ZNF789: variants seen among roughly 807,000 people sequenced by gnomAD.
ZNF789 encodes zinc finger protein 789.
ZNF789 carries 11 observed loss-of-function variants against 15.6 expected under a neutral mutation model. The observed-to-expected ratio is 0.70, with a 90% CI of 0.44 to 1.16. The LOEUF is 1.16. ZNF789 is among the 50% of genes most tolerant of loss of function. The pLI is 0.00. For missense variants in ZNF789, 461 were observed against 512.6 expected (o/e 0.90, Z 0.97); for synonymous variants, 159 against 176.0 (o/e 0.90, Z 0.76).
Position 99,487,603 on chromosome 7 carries a change from G to T in ZNF789, c.*115G>T. 2 of 1,281,634 alleles carry T rather than the reference G, an allele frequency of 1.6e-6. No homozygotes were observed. Among genetic ancestry groups the T allele is most frequent in the Non-Finnish European group, 2.1e-6 (2 of 940,544 alleles). The allele number at this position is 1,281,634 out of a possible 1,614,324, so 79.4% of individuals were successfully genotyped here. A position where few individuals can be genotyped will look rare whatever the true frequency, so the allele number is the denominator to read the frequency against. The stretch of plus-strand genomic sequence containing the variant: ...AAATGTAACAAAGGGTTTTTCTATG[G>T]GAGCCATCTTTGTGTAGCCAATCTG... On this transcript the variant is annotated 3_prime_UTR_variant, in exon 5 of 5. Coordinates refer to ENST00000331410, the MANE Select transcript of ZNF789 (RefSeq NM_213603.3).
chr7:99,475,327 G>A (rs1768067769), intron 1 of ZNF789, among the ~76,000 whole-genome samples: 1 of 152,000 alleles, frequency 6.6e-6, no homozygotes, highest in Non-Finnish European at 1.5e-5. Flanking sequence ...CCCAGGAGGC[G>A]GAGGTTGCAG....
At position 99,487,586 on chromosome 7, in the gene ZNF789, CAA is replaced by C. The variant is rs1358430793; in HGVS notation, c.*100_*101del. 6.3e-6 allele frequency: 9 copies of C among 1,426,374 alleles called. No homozygotes were observed. The East Asian group carries it at 1.9e-4, about 30-fold the overall frequency. The allele number at this position is 1,426,374 out of a possible 1,614,324, so 88.4% of individuals were successfully genotyped here. ...TTTCCATGAAAAGCAATAAATGTAACAAAGGGTTTTTCTATGGGAGCCATCTT... is the reference window on the plus strand; with the variant it reads ...TTTCCATGAAAAGCAATAAATGTAACAGGGTTTTTCTATGGGAGCCATCTT... On this transcript the variant is annotated 3_prime_UTR_variant, in exon 5 of 5. Transcript: ENST00000331410.
At chr7:99,477,276 C>T (rs1189725299) in intron 2 of ZNF789, among the ~76,000 whole-genome samples, 1 of 151,876 alleles carries the variant, frequency 6.6e-6, no homozygotes, top group African/African-American at 2.4e-5. Context: ...CTCTTGACCT[C>T]GTGATCCACC....
Position 99,487,189 on chromosome 7 carries a change from A to G in ZNF789, c.979A>G (p.Thr327Ala), listed in dbSNP as rs143052446. Residue 327 changes from threonine (T) to alanine (A), a missense_variant, in exon 5 of 5, where the codon ACC becomes GCC. Coordinates refer to ENST00000331410, the MANE Select transcript of ZNF789 (RefSeq NM_213603.3). Reference protein sequence around the residue: ...ECGKAFGRHSTLLCHQQIHSK... With the variant: ...ECGKAFGRHSALLCHQQIHSK... ...TGGAAAAGCCTTTGGCCGGCATTCA[A>G]CCCTTCTATGTCATCAACAGATTCA... 28 of 1,614,044 alleles carry G rather than the reference A, an allele frequency of 1.7e-5. 1 individual carries two copies. The highest frequency in any genetic ancestry group is 2.2e-5 in the East Asian group (1 of 44,900).
At chr7:99,485,667 A>G (rs955486733) in intron 4 of ZNF789, among the ~76,000 whole-genome samples, 1 of 152,078 alleles carries the variant, frequency 6.6e-6, no homozygotes, top group Non-Finnish European at 1.5e-5. Context: ...TATCATCTCT[A>G]CTAAAAATAC....
At position 99,484,025 on chromosome 7, in the gene ZNF789, A is replaced by G. The variant is rs1480361656; in HGVS notation, c.152-5A>G. On this transcript the variant is annotated splice_region_variant and splice_polypyrimidine_tract_variant and intron_variant, in intron 3 of 4. Transcript: ENST00000331410. ...GCCACATCCCATTTACTTCCCCATG[A>G]GTAGGATTTCAGTTTCCCAAACCTG... 1.8e-5 allele frequency: 29 copies of G among 1,613,426 alleles called. No homozygotes were observed. Among genetic ancestry groups the G allele is most frequent in the Non-Finnish European group, 2.5e-5 (29 of 1,179,560 alleles).
chr7:99,473,555 T>C (rs2151044070), intron 1 of ZNF789, among the ~76,000 whole-genome samples: 1 of 152,318 alleles, frequency 6.6e-6, no homozygotes, highest in Middle Eastern at 3.4e-3. Context: ...TGGTTCAGTT[T>C]ATCATGCGGA....
In ZNF789 at chr7:99,487,525, T is replaced by C. The variant is rs1800039501; in HGVS notation, c.*37T>C. ...AAGCAGTCATTGGAGAACTAGAACT[T>C]ATAAACCTCTACTTCAAGTGTGTAT... On this transcript the variant is annotated 3_prime_UTR_variant, in exon 5 of 5. Coordinates refer to ENST00000331410, the MANE Select transcript of ZNF789 (RefSeq NM_213603.3). 3 of 1,570,660 alleles carry C rather than the reference T, an allele frequency of 1.9e-6. No homozygotes were observed. Among genetic ancestry groups the C allele is most frequent in the Non-Finnish European group, 2.6e-6 (3 of 1,158,714 alleles).
At chr7:99,484,173 A>C in intron 4 of ZNF789, 30 bp downstream of exon 4, 1 of 1,573,408 alleles carries the variant, frequency 6.4e-7, no homozygotes, top group Non-Finnish European at 8.7e-7. Flanking sequence ...AGGCGAGTGG[A>C]ATCAGGAAGA....
Position 99,486,935 on chromosome 7 carries a change from C to A in ZNF789, c.725C>A (p.Ser242Ter). Residue 242 changes from serine to a stop codon, truncating the protein, a stop_gained, in exon 5 of 5, where the codon TCA (serine) becomes TAA (stop). Coordinates refer to ENST00000331410, the MANE Select transcript of ZNF789 (RefSeq NM_213603.3). LOFTEE classifies it low-confidence loss of function (END_TRUNC). The stretch of plus-strand genomic sequence containing the variant: ...TGTGGGCAAGCCTTCAGACAGCGGT[C>A]AGCTCTTACGGTCCATAAACAGTGT... ...KVCGQAFRQR[S>*]ALTVHKQCHL... 2 of 1,614,138 alleles carry A rather than the reference C, an allele frequency of 1.2e-6. No individual in the cohort carries two copies. The highest frequency in any genetic ancestry group is 2.2e-5 in the South Asian group (2 of 91,056).
Position 99,484,120 on chromosome 7 carries a change from A to T in ZNF789, c.242A>T (p.Lys81Met), listed in dbSNP as rs774851130. ...GATCTACCGAGAACTGGGAATAGGA[A>T]GGCTTCCGGTAGTGCTTGCCCAGGT... Reference protein sequence around the residue: ...ILDLPRTGNRKASGSACPGSE... With the variant: ...ILDLPRTGNRMASGSACPGSE... Residue 81 changes from lysine (K) to methionine (M), a missense_variant, in exon 4 of 5, where the codon AAG becomes ATG. Physicochemically the swap from Lys to Met is moderately conservative, Grantham distance 95. Coordinates refer to ENST00000331410, the MANE Select transcript of ZNF789 (RefSeq NM_213603.3). The T allele has an allele frequency of 4.3e-6, 7 of 1,613,932 alleles. No individual in the cohort carries two copies. Among genetic ancestry groups the T allele is most frequent in the Non-Finnish European group, 5.9e-6 (7 of 1,179,934 alleles).
chr7:99,475,625 A>G (rs1799288988), intron 1 of ZNF789, among the ~76,000 whole-genome samples: 1 of 152,030 alleles, frequency 6.6e-6, no homozygotes, highest in Non-Finnish European at 1.5e-5. Flanking sequence ...ATCCTGTGTG[A>G]TAGGGGAGGG....
chr7:99,476,790 T>C lies in ZNF789; in HGVS notation c.24+310T>C, dbSNP rs150799919. Among the ~76,000 whole-genome samples the C allele has an allele frequency of 2.4e-3, 363 of 152,356 alleles. 1 individual carries two copies. The highest frequency in any genetic ancestry group is 4.1e-3 in the Non-Finnish European group (281 of 68,036). ...GTTTAGCACTGTGTTAAGTTGTTGCTCTTATTACCGTAGTAGTTGCCCATT... is the reference window on the plus strand; with the variant it reads ...GTTTAGCACTGTGTTAAGTTGTTGCCCTTATTACCGTAGTAGTTGCCCATT... On this transcript the variant is annotated intron_variant, in intron 2 of 4. Transcript: ENST00000331410.
intron 3 of ZNF789, 55 bp from the exon 4 acceptor site, chr7:99,483,975 G>A: frequency 1.4e-6 from 2 of 1,431,260 alleles, no homozygotes; most frequent in Non-Finnish European, 2.0e-6. Flanking sequence ...TGAGCCCCGG[G>A]CCATGTCTCT....
chr7:99,485,954 C>T (rs1029506153), intron 4 of ZNF789, among the ~76,000 whole-genome samples: 3 of 152,188 alleles, frequency 2.0e-5, no homozygotes, highest in African/African-American at 7.2e-5. Context: ...ATACACACTC[C>T]TATACATTTA....
chr7:99,476,304 G>T, intron 1 of ZNF789, 99 bp from the exon 2 acceptor site: 2 of 710,916 alleles, frequency 2.8e-6, no homozygotes, highest in Non-Finnish European at 4.5e-6. Flanking sequence ...TTTGTATTAA[G>T]CTTTGTCTGT....
intron 3 of ZNF789, chr7:99,480,445 A>G (rs1799560797): frequency 6.6e-6 from 1 of 152,248 alleles, no homozygotes; most frequent in African/African-American, 2.4e-5. Context: ...AATGGGAAAA[A>G]TTCTGACTCC....
At chr7:99,474,265 T>TA (rs199550299) in intron 1 of ZNF789, among the ~76,000 whole-genome samples, 9 of 151,500 alleles carry the variant, frequency 5.9e-5, no homozygotes, top group East Asian at 5.8e-4. Flanking sequence ...GCTCATGAGC[T>TA]AAAAAAAAAT....
chr7:99,487,366 C>T lies in ZNF789; in HGVS notation c.1156C>T (p.Arg386Ter). The T allele has an allele frequency of 6.8e-6, 11 of 1,614,166 alleles. No individual in the cohort carries two copies. Among genetic ancestry groups the T allele is most frequent in the South Asian group, 1.1e-5 (1 of 91,086 alleles). ...KTFSFKRNLF[R>*]HQVIHTGSQP... ...GTTTAGTTTTAAGAGGAATCTTTTT[C>T]GACATCAGGTCATTCACACTGGAAG... Residue 386 changes from arginine to a stop codon, truncating the protein, a stop_gained, in exon 5 of 5, where the codon CGA becomes TGA. Coordinates refer to ENST00000331410, the MANE Select transcript of ZNF789 (RefSeq NM_213603.3). LOFTEE classifies it low-confidence loss of function (END_TRUNC).
Sources: gnomAD v4.1 joint callset for allele counts (sites outside exome capture counted in the v4.1 genomes callset) on GRCh38, gnomAD v4.1.1 for gene constraint, MANE v1.5 for transcripts, NCBI Gene and HGNC (gene_info 2026-07-23, HGNC 2026-07-21) for gene names.